Variants in GABRB3 observed in about 807,000 individuals in gnomAD.
GABRB3 encodes the protein gamma-aminobutyric acid receptor subunit beta-3.
In GABRB3, 14 loss-of-function variants were observed where a neutral mutation model predicts 52.1. That is an observed-to-expected ratio of 0.27 (90% CI 0.18 to 0.42). The LOEUF is 0.42. Among genes scored for constraint, GABRB3 ranks in the 10% least tolerant of loss-of-function variants. GABRB3 has a pLI of 1.00. For missense variants in GABRB3, 307 were observed against 609.1 expected (o/e 0.50, Z 5.22); for synonymous variants, 260 against 232.3 (o/e 1.12, Z -1.08).
At chr15:26,740,988 C>T (rs1409218297) in intron 3 of GABRB3, among the ~76,000 whole-genome samples, 1 of 151,894 alleles carries the variant, frequency 6.6e-6, no homozygotes, top group Non-Finnish European at 1.5e-5. Flanking sequence ...CAGGAGAACT[C>T]ACAGAATGCC....
intron 8 of GABRB3, among the ~76,000 whole-genome samples, chr15:26,552,175 T>G (rs1873666967): frequency 6.6e-6 from 1 of 151,868 alleles, no homozygotes; most frequent in Admixed American, 6.6e-5. Context: ...ACCCAGCTAA[T>G]TTTGTATTTT....
At position 26,548,066 on chromosome 15, in the gene GABRB3, G is replaced by A. The variant is rs376383822; in HGVS notation, c.1149C>T (p.Gly383=). 9 of 1,613,978 alleles carry A rather than the reference G, an allele frequency of 5.6e-6. No individual in the cohort carries two copies. The highest frequency in any genetic ancestry group is 2.7e-5 in the African/African-American group (2 of 74,902). ...CTGAATTCCTGGTATCGCCAATGCC[G>A]CCTGAGACCTCATTCATTTCATTGT... ...EVHNEMNEVS[G]GIGDTRNSAI... The change falls in exon 9 of 9, where the codon GGC becomes GGT. Residue 383 remains glycine, a synonymous_variant. Coordinates refer to ENST00000311550, the MANE Select transcript of GABRB3 (RefSeq NM_000814.6).
At chr15:26,727,610 G>A (rs560610219) in intron 3 of GABRB3, among the ~76,000 whole-genome samples, 2 of 152,284 alleles carry the variant, frequency 1.3e-5, no homozygotes, top group Admixed American at 6.5e-5. Flanking sequence ...CCCTGATTCA[G>A]TTTATTGGAG....
In GABRB3 at chr15:26,606,799, T is replaced by TAG. The variant is rs1566770658; in HGVS notation, c.461+14514_461+14515insCT. 4.7e-5 allele frequency among the ~76,000 whole-genome samples: 6 copies of TAG among 127,238 alleles called. 1 individual carries two copies. Among genetic ancestry groups the TAG allele is most frequent in the Non-Finnish European group, 6.8e-5 (4 of 58,468 alleles). 83.5% of individuals were successfully genotyped at this position (127,238 alleles called of 152,430 possible). On this transcript the variant is annotated intron_variant, in intron 4 of 8. Transcript: ENST00000311550. ...ATAGATAGATATATCTATAGATAGA[T>TAG]ATATCTATAGATAGATAGATAGATA... is the stretch of plus-strand genomic sequence containing the variant.
intron 3 of GABRB3, among the ~76,000 whole-genome samples, chr15:26,672,663 C>G (rs1405759994): frequency 6.6e-6 from 1 of 151,854 alleles, no homozygotes; most frequent in Non-Finnish European, 1.5e-5. Context: ...AAAAATTTTT[C>G]TTCCCTACAC....
In GABRB3 at chr15:26,543,935, G is replaced by A. The variant is rs753793635; in HGVS notation, c.*3858C>T. 3 of 152,654 alleles carry A rather than the reference G, an allele frequency of 2.0e-5. No individual in the cohort carries two copies. The highest frequency in any genetic ancestry group is 2.1e-4 in the South Asian group (1 of 4,820). The allele number at this position is 152,654 out of a possible 1,614,324, so 9.5% of individuals were successfully genotyped here. A position where few individuals can be genotyped will look rare whatever the true frequency, so the allele number is the denominator to read the frequency against. On this transcript the variant is annotated 3_prime_UTR_variant, in exon 9 of 9. Transcript: ENST00000311550. Reference sequence around the variant, plus strand: ...ATTTAGTATTTCAGGAAAACATGGCGCCTTTCAATGCAGTAGAAGAGGTAA... The same window carrying A: ...ATTTAGTATTTCAGGAAAACATGGCACCTTTCAATGCAGTAGAAGAGGTAA...
chr15:26,696,046 A>C (rs1888727591), intron 3 of GABRB3, among the ~76,000 whole-genome samples: 1 of 152,226 alleles, frequency 6.6e-6, no homozygotes, highest in Non-Finnish European at 1.5e-5. Context: ...GGAAACAAAA[A>C]GCAACAGTGT....
chr15:26,759,489 G>A (rs945960648), intron 3 of GABRB3, among the ~76,000 whole-genome samples: 1 of 152,152 alleles, frequency 6.6e-6, no homozygotes, highest in African/African-American at 2.4e-5. Flanking sequence ...TTGAACTCCT[G>A]ACCTCGTGAT....
intron 3 of GABRB3, among the ~76,000 whole-genome samples, chr15:26,709,165 C>T (rs1169784085): frequency 6.6e-6 from 1 of 152,158 alleles, no homozygotes; most frequent in East Asian, 1.9e-4. Flanking sequence ...ACCACTGATA[C>T]AGTTTGGATA....
At chr15:26,734,711 G>C (rs139105966) in intron 3 of GABRB3, among the ~76,000 whole-genome samples, 1 of 151,250 alleles carries the variant, frequency 6.6e-6, no homozygotes, top group Non-Finnish European at 1.5e-5. Flanking sequence ...GCCAAGGGAG[G>C]AGGATTGCTT....
chr15:26,761,545 TATATA>T (rs1211753737), intron 3 of GABRB3, among the ~76,000 whole-genome samples: 1 of 152,042 alleles, frequency 6.6e-6, no homozygotes, highest in Non-Finnish European at 1.5e-5. Context: ...TATACTATAC[TATATA>T]TTCTCATTGT....
intron 3 of GABRB3, among the ~76,000 whole-genome samples, chr15:26,692,740 AAATCT>A (rs1469331216): frequency 3.3e-5 from 5 of 152,196 alleles, no homozygotes; most frequent in Non-Finnish European, 7.4e-5. Context: ...GCAGAGAAAA[AAATCT>A]TTTTCGTATT....
intron 8 of GABRB3, among the ~76,000 whole-genome samples, chr15:26,554,012 CCTGA>C (rs1312888129): frequency 2.0e-4 from 7 of 34,542 alleles, no homozygotes; most frequent in African/African-American, 8.7e-4. Context: ...GTAGCTGACA[CCTGA>C]CTATTTATAT....
At chr15:26,732,351 TAGATAGAG>T (rs1889950391) in intron 3 of GABRB3, among the ~76,000 whole-genome samples, 2 of 143,808 alleles carry the variant, frequency 1.4e-5, no homozygotes, top group African/African-American at 5.6e-5. Flanking sequence ...GACAGATGAG[TAGATAGAG>T]AGATAAATAA....
chr15:26,760,851 CAATT>C (rs1004089508), intron 3 of GABRB3, among the ~76,000 whole-genome samples: 1 of 127,446 alleles, frequency 7.8e-6, no homozygotes, highest in African/African-American at 3.0e-5. Context: ...AAACCCACCA[CAATT>C]AATTAATATT....
At chr15:26,601,592 A>C (rs967899441) in intron 4 of GABRB3, among the ~76,000 whole-genome samples, 1 of 152,174 alleles carries the variant, frequency 6.6e-6, no homozygotes, top group South Asian at 2.1e-4. Context: ...TGGATTAACT[A>C]TTCAAAAAAA....
chr15:26,613,496 A>T (rs1275909325), intron 4 of GABRB3: 1 of 152,196 alleles, frequency 6.6e-6, no homozygotes, highest in Non-Finnish European at 1.5e-5. Flanking sequence ...CACATCCTAC[A>T]CCAAGATAAA....
intron 3 of GABRB3, among the ~76,000 whole-genome samples, chr15:26,750,624 T>TA (rs1165772777): frequency 6.6e-6 from 1 of 152,194 alleles, no homozygotes; most frequent in African/African-American, 2.4e-5. Context: ...GTGTTTACAT[T>TA]AAATTTAAGC....
At chr15:26,677,494 C>A (rs897776748) in intron 3 of GABRB3, among the ~76,000 whole-genome samples, 2 of 152,054 alleles carry the variant, frequency 1.3e-5, no homozygotes, top group African/African-American at 2.4e-5. Flanking sequence ...CTTCTCCACC[C>A]GGGAGACACC....
Sources: allele counts gnomAD v4.1 joint callset (sites outside exome capture counted in the v4.1 genomes callset), GRCh38; gene constraint gnomAD v4.1.1; transcripts MANE v1.5; gene names NCBI Gene and HGNC (gene_info 2026-07-23, HGNC 2026-07-21).